The following EBF2 variants were observed in gnomAD, a reference collection of about 807,000 sequenced individuals.
The protein encoded by EBF2 is EBF transcription factor 2.
A neutral mutation model predicts 72.8 loss-of-function variants in EBF2; 21 were observed. The ratio of observed to expected loss-of-function variants is 0.29; its 90% CI spans 0.20 to 0.42. The LOEUF (loss-of-function observed/expected upper bound fraction) is 0.42, where lower values mean the gene tolerates loss of function less well. Ranked by LOEUF, EBF2 falls within the 10% of genes least tolerant of loss-of-function variation. The pLI is 1.00. For synonymous variants in EBF2, 299 were observed against 274.2 expected, an observed-to-expected ratio of 1.09 and a Z score of -0.89; for missense variants, 637 against 731.2, an observed-to-expected ratio of 0.87 and a Z score of 1.49.
At chr8:25,856,237 T>C (rs117338388) in intron 14 of EBF2, among the ~76,000 whole-genome samples, 2,313 of 152,336 alleles carry the variant, frequency 0.015, 116 homozygotes, top group Admixed American at 0.093. Flanking sequence ...CAAAAACAAC[T>C]ATTATGATTC....
chr8:25,991,423 AC>A (rs1239311652), intron 6 of EBF2, among the ~76,000 whole-genome samples: 2 of 152,194 alleles, frequency 1.3e-5, no homozygotes. Flanking sequence ...GAACTGGAAG[AC>A]TTTTATAGAT....
chr8:26,013,801 T>C (rs1805065827), intron 6 of EBF2, among the ~76,000 whole-genome samples: 1 of 152,074 alleles, frequency 6.6e-6, no homozygotes, highest in African/African-American at 2.4e-5. Flanking sequence ...TAAAATTCTC[T>C]CCCTGAGGAA....
chr8:25,880,304 C>T (rs919075389), intron 10 of EBF2, among the ~76,000 whole-genome samples: 5 of 152,116 alleles, frequency 3.3e-5, no homozygotes, highest in Non-Finnish European at 5.9e-5. Context: ...CTGTCTTTGG[C>T]CTCAATGTTC....
intron 6 of EBF2, among the ~76,000 whole-genome samples, chr8:25,933,648 G>C (rs994436993): frequency 2.6e-5 from 4 of 152,144 alleles, no homozygotes; most frequent in Admixed American, 6.5e-5. Context: ...TTGCAGCATT[G>C]TTTATAATAA....
At chr8:26,038,026 T>A (rs1475587635) in intron 5 of EBF2, among the ~76,000 whole-genome samples, 1 of 152,194 alleles carries the variant, frequency 6.6e-6, no homozygotes, top group African/African-American at 2.4e-5. Flanking sequence ...CATCTCTCAA[T>A]CATTGACTGC....
intron 14 of EBF2, among the ~76,000 whole-genome samples, chr8:25,852,871 G>GAAAA (rs1802011274): frequency 1.3e-5 from 2 of 152,180 alleles, no homozygotes; most frequent in African/African-American, 4.8e-5. Flanking sequence ...TAAGAGACAG[G>GAAAA]AAGTTTTGTT....
intron 6 of EBF2, among the ~76,000 whole-genome samples, chr8:25,922,478 G>T (rs1055715106): frequency 6.6e-6 from 1 of 152,104 alleles, no homozygotes; most frequent in Non-Finnish European, 1.5e-5. Context: ...AATAAGAAAA[G>T]CTTTCTTGAG....
intron 6 of EBF2, among the ~76,000 whole-genome samples, chr8:25,942,779 G>T (rs903782825): frequency 6.6e-6 from 1 of 152,124 alleles, no homozygotes; most frequent in Non-Finnish European, 1.5e-5. Context: ...TCGTTCCTGC[G>T]GGCTCGCCTA....
Position 26,039,958 on chromosome 8 carries a change from G to T in EBF2, c.482+70C>A, listed in dbSNP as rs575507131. ...AGTCCTGAAAGTTAGTCCCGGGAAC[G>T]CGGCGCGCCAAGGCGGGGCTGGAGC... On this transcript the variant is annotated intron_variant, in intron 5 of 15. Transcript: ENST00000520164. The T allele has an allele frequency of 2.5e-5, 38 of 1,549,618 alleles. No individual in the cohort carries two copies. In the South Asian group the frequency reaches 4.0e-4, roughly 16 times the overall value.
At chr8:25,986,536 G>C (rs142264986) in intron 6 of EBF2, among the ~76,000 whole-genome samples, 14 of 152,192 alleles carry the variant, frequency 9.2e-5, no homozygotes, top group Non-Finnish European at 1.8e-4. Context: ...ATGCTTGACT[G>C]TGTGAAAATC....
chr8:25,844,615 C>T lies in EBF2; in HGVS notation c.1722G>A (p.Pro574=), dbSNP rs773515338. The T allele has an allele frequency of 1.1e-5, 17 of 1,613,804 alleles. No individual in the cohort carries two copies. Among genetic ancestry groups the T allele is most frequent in the East Asian group, 4.5e-5 (2 of 44,886 alleles). ...FRAMTGLVVP[P]M is the part of the protein sequence containing the mutation. ...ATAAGAAAGCAGTTCTTCTTTACAT[C>T]GGGGGTACAACAAGTCCGGTCATGG... Residue 574 remains proline, a synonymous_variant, in exon 16 of 16, where the codon CCG becomes CCA. Coordinates refer to ENST00000520164, the MANE Select transcript of EBF2 (RefSeq NM_022659.4).
intron 6 of EBF2, chr8:26,031,958 C>T (rs1585234667): frequency 1.3e-5 from 2 of 152,302 alleles, no homozygotes; most frequent in East Asian, 1.9e-4. Context: ...CTGGAACCTT[C>T]TAAAATGGCA....
At chr8:25,965,539 G>A (rs546349542) in intron 6 of EBF2, among the ~76,000 whole-genome samples, 4 of 152,168 alleles carry the variant, frequency 2.6e-5, no homozygotes, top group Non-Finnish European at 4.4e-5. Flanking sequence ...TGTAGCAAAC[G>A]TAAGCATGCA....
intron 6 of EBF2, among the ~76,000 whole-genome samples, chr8:26,012,071 A>T (rs1805033998): frequency 6.6e-6 from 1 of 152,260 alleles, no homozygotes; most frequent in East Asian, 1.9e-4. Flanking sequence ...CTAAGACAGA[A>T]AGAAAGAATC....
chr8:25,963,967 A>G (rs575512527), intron 6 of EBF2, among the ~76,000 whole-genome samples: 68 of 152,308 alleles, frequency 4.5e-4, no homozygotes, highest in African/African-American at 1.6e-3. Context: ...TGAATGGAGA[A>G]TTTTATGGGA....
chr8:25,848,164 CCTT>C (rs1285565736), intron 15 of EBF2, among the ~76,000 whole-genome samples: 2 of 152,134 alleles, frequency 1.3e-5, no homozygotes, highest in Admixed American at 6.6e-5. Context: ...ACGCCTGGCC[CCTT>C]CTTCTTTTAA....
At chr8:26,019,395 A>G (rs929324056) in intron 6 of EBF2, among the ~76,000 whole-genome samples, 1 of 152,120 alleles carries the variant, frequency 6.6e-6, no homozygotes, top group African/African-American at 2.4e-5. Context: ...AGAGACCAAG[A>G]TATTCCACAG....
At chr8:25,917,737 C>T (rs987712385) in intron 6 of EBF2, among the ~76,000 whole-genome samples, 3 of 152,252 alleles carry the variant, frequency 2.0e-5, no homozygotes, top group South Asian at 2.1e-4. Context: ...CCCATTTCCT[C>T]AGCACCCCTT....
chr8:25,921,846 AG>A (rs1284800903), intron 6 of EBF2, among the ~76,000 whole-genome samples: 1 of 152,208 alleles, frequency 6.6e-6, no homozygotes, highest in Non-Finnish European at 1.5e-5. Flanking sequence ...GGAGAACCAG[AG>A]CTTACACCAG....
Sources: gnomAD v4.1 joint callset for allele counts (sites outside exome capture counted in the v4.1 genomes callset) on GRCh38, gnomAD v4.1.1 for gene constraint, MANE v1.5 for transcripts, NCBI Gene and HGNC (gene_info 2026-07-23, HGNC 2026-07-21) for gene names.